The following LMO7 variants were observed in gnomAD, a reference collection of about 807,000 sequenced individuals.
LMO7 encodes the protein LIM domain 7.
A neutral mutation model predicts 206.5 loss-of-function variants in LMO7; 120 were observed. That is an observed-to-expected ratio of 0.58 (90% CI 0.50 to 0.68). The LOEUF (loss-of-function observed/expected upper bound fraction) is 0.68, where lower values mean the gene tolerates loss of function less well. LMO7 is among the 30% of genes least tolerant of loss of function. The probability of loss-of-function intolerance (pLI) is 0.00; values close to 1 mark genes in which losing one functional copy is unlikely to be tolerated. For synonymous variants in LMO7, 706 were observed against 681.5 expected (o/e 1.04, Z -0.56); for missense variants, 1,959 against 1,957.9 (o/e 1.00, Z -0.01).
chr13:75,806,979 G>A (rs1283781697), intron 9 of LMO7: 3 of 156,172 alleles, frequency 1.9e-5, no homozygotes, highest in African/African-American at 7.2e-5. Context: ...AAATTAGCCA[G>A]GCATGATAGG....
Position 75,807,519 on chromosome 13 carries a change from T to C in LMO7, c.1236T>C (p.Asp412=), listed in dbSNP as rs967741222. The C allele has an allele frequency of 2.5e-6, 4 of 1,613,680 alleles. No homozygotes were observed. Among genetic ancestry groups the C allele is most frequent in the Non-Finnish European group, 2.5e-6 (3 of 1,179,822 alleles). The part of the protein sequence containing the change: ...LLLQALQTYS[D]DILSSETHTK... ...TTCAGGCCCTCCAAACATACTCTGA[T>C]GACATCTTGTCTTCTGAAACACATA... The change falls in exon 10 of 31, where the codon GAT becomes GAC. Residue 412 remains aspartate (D), a synonymous_variant. Coordinates refer to ENST00000377534, the MANE Select transcript of LMO7 (RefSeq NM_001306080.2).
At chr13:75,696,930 C>T (rs1038538314) in intron 1 of LMO7, among the ~76,000 whole-genome samples, 5 of 152,126 alleles carry the variant, frequency 3.3e-5, no homozygotes, top group Non-Finnish European at 4.4e-5. Flanking sequence ...TAACGCACGT[C>T]GAACGTTGCC....
intron 1 of LMO7, among the ~76,000 whole-genome samples, chr13:75,651,967 G>A (rs1279126551): frequency 6.6e-6 from 1 of 152,154 alleles, no homozygotes; most frequent in Non-Finnish European, 1.5e-5. Flanking sequence ...TTAGCAGAGT[G>A]TGTCACTGCC....
At chr13:75,623,567 TG>T (rs2033623555) in intron 2 of LMO7, among the ~76,000 whole-genome samples, 1 of 152,004 alleles carries the variant, frequency 6.6e-6, no homozygotes, top group Middle Eastern at 3.2e-3. Flanking sequence ...TTCTCCATAT[TG>T]GCTAGGCTGG....
At chr13:75,732,439 C>T (rs140921080) in intron 3 of LMO7, among the ~76,000 whole-genome samples, 2,834 of 152,308 alleles carry the variant, frequency 0.019, 89 homozygotes, top group African/African-American at 0.063. Context: ...CTTCTGCGTT[C>T]GTCACGTAGT....
At chr13:75,784,129 G>C (rs1206738161) in intron 4 of LMO7, among the ~76,000 whole-genome samples, 1 of 152,148 alleles carries the variant, frequency 6.6e-6, no homozygotes, top group Non-Finnish European at 1.5e-5. Flanking sequence ...GTGGGTAGAG[G>C]TCAGGCATGC....
At chr13:75,626,576 A>ATATTT (rs1566249065) in intron 2 of LMO7, among the ~76,000 whole-genome samples, 8 of 64,424 alleles carry the variant, frequency 1.2e-4, no homozygotes, top group Non-Finnish European at 2.4e-4. Context: ...TAACATATAT[A>ATATTT]TTATATATAT....
At position 75,672,215 on chromosome 13, in the gene LMO7, C is replaced by T. The variant is rs1389206777; in HGVS notation, c.69+35489C>T. ...AGCTTGACTGCCCTTATATATTGGC[C>T]CATAAAGTGCTTTGTTAAAAAAAGA... On this transcript the variant is annotated intron_variant, in intron 1 of 30. Coordinates refer to ENST00000377534, the MANE Select transcript of LMO7 (RefSeq NM_001306080.2). Among the ~76,000 whole-genome samples the T allele has an allele frequency of 2.1e-4, 32 of 151,328 alleles. 2 individuals are homozygous for T. In the Admixed American group the frequency reaches 2.1e-3, roughly 10 times the overall value.
intron 1 of LMO7, among the ~76,000 whole-genome samples, chr13:75,684,691 G>A (rs1287032775): frequency 6.6e-6 from 1 of 151,966 alleles, no homozygotes; most frequent in Non-Finnish European, 1.5e-5. Context: ...CTGTAACATA[G>A]CTAGAGAGTG....
chr13:75,700,710 C>T (rs1391903355), intron 1 of LMO7, among the ~76,000 whole-genome samples: 1 of 152,212 alleles, frequency 6.6e-6, no homozygotes, highest in African/African-American at 2.4e-5. Context: ...ACCAAGAAGA[C>T]TGCTAAGAGA....
chr13:75,781,070 T>C (rs539391123), intron 4 of LMO7, among the ~76,000 whole-genome samples: 1 of 150,106 alleles, frequency 6.7e-6, no homozygotes, highest in Non-Finnish European at 1.5e-5. Context: ...GTCTTGGGAG[T>C]ATTTTTTTAA....
chr13:75,857,815 A>C, intron 30 of LMO7, 106 bp from the exon 31 acceptor site: 1 of 640,942 alleles, frequency 1.6e-6, no homozygotes. Context: ...TACTCTTTCT[A>C]CCTCATTGGG....
At chr13:75,830,291 A>G (rs182846344) in intron 15 of LMO7, among the ~76,000 whole-genome samples, 5,619 of 152,264 alleles carry the variant, frequency 0.037, 129 homozygotes, top group Non-Finnish European at 0.052. Flanking sequence ...CCATAAGGGG[A>G]AGGCCCCACA....
intron 4 of LMO7, among the ~76,000 whole-genome samples, chr13:75,762,553 G>T (rs1263164951): frequency 6.6e-6 from 1 of 152,142 alleles, no homozygotes; most frequent in East Asian, 1.9e-4. Context: ...TGGCTCCCAA[G>T]TCCAAGAGTT....
chr13:75,840,288 A>G, intron 21 of LMO7, 103 bp from the exon 22 acceptor site: 2 of 1,443,630 alleles, frequency 1.4e-6, no homozygotes, highest in Admixed American at 3.6e-5. Flanking sequence ...CAGTTTAAGC[A>G]AACTGTGATA....
chr13:75,737,970 ATTCCTT>A (rs913536403), intron 3 of LMO7, among the ~76,000 whole-genome samples: 8 of 151,028 alleles, frequency 5.3e-5, no homozygotes, highest in Admixed American at 1.3e-4. Context: ...ATCTGAATGG[ATTCCTT>A]TTCTTTGAAG....
chr13:75,832,082 G>C (rs1237342009), intron 15 of LMO7, among the ~76,000 whole-genome samples: 1 of 152,106 alleles, frequency 6.6e-6, no homozygotes, highest in African/African-American at 2.4e-5. Flanking sequence ...TAACAGGTAA[G>C]TCTAAGTTTT....
intron 3 of LMO7, among the ~76,000 whole-genome samples, chr13:75,733,148 T>C (rs2045437172): frequency 6.6e-6 from 1 of 152,218 alleles, no homozygotes; most frequent in Non-Finnish European, 1.5e-5. Flanking sequence ...CCACTGCTCT[T>C]TTCAAAGCTG....
intron 3 of LMO7, among the ~76,000 whole-genome samples, chr13:75,731,036 G>A (rs2045142947): frequency 6.6e-6 from 1 of 151,634 alleles, no homozygotes; most frequent in East Asian, 1.9e-4. Flanking sequence ...GCTGAGGAGA[G>A]CTTTACTTCC....
Sources: allele counts gnomAD v4.1 joint callset (sites outside exome capture counted in the v4.1 genomes callset), GRCh38; gene constraint gnomAD v4.1.1; transcripts MANE v1.5; gene names NCBI Gene and HGNC (gene_info 2026-07-23, HGNC 2026-07-21).